The following NET1 variants were observed in gnomAD, a reference collection of about 807,000 sequenced individuals.
NET1 encodes neuroepithelial cell transforming 1, also known as neuroepithelial cell-transforming gene 1 protein.
NET1 carries 42 observed loss-of-function variants against 61.1 expected under a neutral mutation model. The ratio of observed to expected loss-of-function variants is 0.69; its 90% CI spans 0.54 to 0.89. The LOEUF is 0.89. Ranked by LOEUF, NET1 falls within the 40% of genes least tolerant of loss-of-function variation. The pLI, the probability that NET1 is intolerant of heterozygous loss-of-function variation, is 0.00. For synonymous variants in NET1, 254 were observed against 281.8 expected (o/e 0.90, Z 0.99); for missense variants, 654 against 747.3 (o/e 0.88, Z 1.46).
intron 3 of NET1, among the ~76,000 whole-genome samples, chr10:5,448,714 G>T (rs981665146): frequency 9.1e-6 from 1 of 110,462 alleles, no homozygotes; most frequent in South Asian, 2.7e-4. Flanking sequence ...TCCAGTATTC[G>T]TATCTGTTCT....
rs1201413225 is a variant in NET1 at position 5,426,454 on chromosome 10, CTGAGAA to C, written c.129-197_129-192del. Reference sequence around the variant, plus strand: ...TATAGGCCTTTTCACTCTAAAGATGCTGAGAATGACCAAAACCTATACCCTGTTTGT... The same window carrying C: ...TATAGGCCTTTTCACTCTAAAGATGCTGACCAAAACCTATACCCTGTTTGT... On this transcript the variant is annotated intron_variant, in intron 1 of 11. Transcript: ENST00000355029. This position sits in a 1 kb window ranked among gnomAD's most constrained non-coding sequence, Gnocchi z 4.6. 1.3e-5 allele frequency among the ~76,000 whole-genome samples: 2 copies of C among 152,002 alleles called. No homozygotes were observed. The highest frequency in any genetic ancestry group is 4.8e-5 in the African/African-American group (2 of 41,380).
chr10:5,417,429 C>T lies in NET1; in HGVS notation c.128+4609C>T, dbSNP rs1468522946. ...TAGCAAGGGACCACGCTCTCCTCTA[C>T]GCAGCACTTCCCTGCCCCGCTTTGT... On this transcript the variant is annotated intron_variant, in intron 1 of 11. Transcript: ENST00000355029. This position sits in a 1 kb window ranked among gnomAD's most constrained non-coding sequence, Gnocchi z 5.5. 3.3e-5 allele frequency among the ~76,000 whole-genome samples: 5 copies of T among 152,160 alleles called. No homozygotes were observed. The highest frequency in any genetic ancestry group is 7.2e-5 in the African/African-American group (3 of 41,434).
Position 5,412,590 on chromosome 10 carries a change from C to G in NET1, c.-103C>G, listed in dbSNP as rs1832011457. The G allele has an allele frequency of 1.6e-6, 2 of 1,286,784 alleles. No individual in the cohort carries two copies. The highest frequency in any genetic ancestry group is 2.0e-6 in the Non-Finnish European group (2 of 984,180). The allele number at this position is 1,286,784 out of a possible 1,614,324, so 79.7% of individuals were successfully genotyped here. A position where few individuals can be genotyped will look rare whatever the true frequency, so the allele number is the denominator to read the frequency against. On this transcript the variant is annotated 5_prime_UTR_variant, in exon 1 of 12. Coordinates refer to ENST00000355029, the MANE Select transcript of NET1 (RefSeq NM_001047160.3). The surrounding 1 kb of genome is among the most constrained non-coding windows in gnomAD (Gnocchi z 6.5). Reference sequence around the variant, plus strand: ...GGATGACGGCGGTGGCGGCTGCAGTCCGCTGACAGGCGCTTTCTGCCTGGC... The same window carrying G: ...GGATGACGGCGGTGGCGGCTGCAGTGCGCTGACAGGCGCTTTCTGCCTGGC...
intron 3 of NET1, among the ~76,000 whole-genome samples, chr10:5,436,051 T>TGATTATAACACAAACTA (rs1832423406): frequency 1.3e-5 from 2 of 151,030 alleles, no homozygotes; most frequent in African/African-American, 4.9e-5. Context: ...TGATAGTTAG[T>TGATTATAACACAAACTA]GATTATAACA....
chr10:5,445,591 T>C (rs1376906676), intron 3 of NET1, among the ~76,000 whole-genome samples: 1 of 152,238 alleles, frequency 6.6e-6, no homozygotes. Flanking sequence ...GTTTATAGTG[T>C]AAAATTTTAC....
rs1832816236 is a variant in NET1, at chr10:5,457,087, T to C, written c.*93T>C. On this transcript the variant is annotated 3_prime_UTR_variant, in exon 12 of 12. Transcript: ENST00000355029. The surrounding 1 kb of genome is among the most constrained non-coding windows in gnomAD (Gnocchi z 5.4). ...CGTAAGGGGAGCATCATAGGGTTAC[T>C]TTATACCAGTTGTAACATTTTCATT... 1 of 1,223,392 alleles carries C rather than the reference T, an allele frequency of 8.2e-7. No homozygotes were observed. Among genetic ancestry groups the C allele is most frequent in the Non-Finnish European group, 1.1e-6 (1 of 909,636 alleles). The allele number at this position is 1,223,392 out of a possible 1,614,324, so 75.8% of individuals were successfully genotyped here. A position where few individuals can be genotyped will look rare whatever the true frequency, so the allele number is the denominator to read the frequency against.
rs1588425002 is a variant in NET1, at chr10:5,423,593, A to T, written c.129-3062A>T. ...CCTTAAATGTTGTAATTATTTGGAT[A>T]TATAGAAAAATACATTGGATATATG... On this transcript the variant is annotated intron_variant, in intron 1 of 11. Coordinates refer to ENST00000355029, the MANE Select transcript of NET1 (RefSeq NM_001047160.3). The surrounding 1 kb of genome is among the most constrained non-coding windows in gnomAD (Gnocchi z 4.4). Among the ~76,000 whole-genome samples the T allele has an allele frequency of 6.6e-6, 1 of 152,216 alleles. No homozygotes were observed. Among genetic ancestry groups the T allele is most frequent in the East Asian group, 1.9e-4 (1 of 5,206 alleles).
In NET1 at chr10:5,431,037, AATTT is replaced by A. The variant is rs1832342237; in HGVS notation, c.255+1809_255+1812del. On this transcript the variant is annotated intron_variant, in intron 3 of 11. Transcript: ENST00000355029. This position sits in a 1 kb window ranked among gnomAD's most constrained non-coding sequence, Gnocchi z 4.9. The stretch of plus-strand genomic sequence containing the variant: ...CAGGTGCCCGCCACCACGCCCGGCT[AATTT>A]TTTGTATTTTCAGTAGAGACGGGGT... Among the ~76,000 whole-genome samples, 2 of 151,020 alleles carry A rather than the reference AATTT, an allele frequency of 1.3e-5. No homozygotes were observed. Among genetic ancestry groups the A allele is most frequent in the African/African-American group, 4.9e-5 (2 of 41,086 alleles).
In NET1 at chr10:5,417,789, G is replaced by A. The variant is rs1190287919; in HGVS notation, c.128+4969G>A. Among the ~76,000 whole-genome samples the A allele has an allele frequency of 6.6e-6, 1 of 152,166 alleles. No homozygotes were observed. Among genetic ancestry groups the A allele is most frequent in the Non-Finnish European group, 1.5e-5 (1 of 68,016 alleles). On this transcript the variant is annotated intron_variant, in intron 1 of 11. Transcript: ENST00000355029. The surrounding 1 kb of genome is among the most constrained non-coding windows in gnomAD (Gnocchi z 5.5). ...AAAGCATACAATCTTTCACCATTAAGTATGATGTTAGTTGTAAGCTTTGTA... is the reference window on the plus strand; with the variant it reads ...AAAGCATACAATCTTTCACCATTAAATATGATGTTAGTTGTAAGCTTTGTA...
At chr10:5,429,271 T>G (rs1415383442) in intron 3 of NET1, 42 bp downstream of exon 3, 1 of 1,376,586 alleles carries the variant, frequency 7.3e-7, no homozygotes, top group Non-Finnish European at 1.0e-6. Flanking sequence ...TTTAAAAATA[T>G]GCAGATAGCA....
chr10:5,455,667 A>T lies in NET1; in HGVS notation c.1198-420A>T, dbSNP rs1832784378. Among the ~76,000 whole-genome samples the T allele has an allele frequency of 6.6e-6, 1 of 152,166 alleles. No individual in the cohort carries two copies. The highest frequency in any genetic ancestry group is 2.1e-4 in the South Asian group (1 of 4,832). ...TGACATCTTTGATTTTTCCCTCACG[A>T]GGGGAAAATTTATAAAGGTATAAAT... On this transcript the variant is annotated intron_variant, in intron 10 of 11. Coordinates refer to ENST00000355029, the MANE Select transcript of NET1 (RefSeq NM_001047160.3). The surrounding 1 kb of genome is among the most constrained non-coding windows in gnomAD (Gnocchi z 6.5).
intron 3 of NET1, among the ~76,000 whole-genome samples, chr10:5,450,545 T>C (rs1406578418): frequency 6.6e-6 from 1 of 152,116 alleles, no homozygotes; most frequent in African/African-American, 2.4e-5. Flanking sequence ...ACTTTAGTCA[T>C]GTCAAAGAAT....
rs150553760 is a variant in NET1 at position 5,432,714 on chromosome 10, C to CT, written c.255+3497dup. 9.3e-3 allele frequency among the ~76,000 whole-genome samples: 1,357 copies of CT among 146,190 alleles called. 19 individuals carry two copies. Among genetic ancestry groups the CT allele is most frequent in the African/African-American group, 0.031 (1,228 of 39,820 alleles). On this transcript the variant is annotated intron_variant, in intron 3 of 11. Transcript: ENST00000355029. ...CCCTACTCACTCTTTCAGATGAAAT[C>CT]TTTTTTTTTTTTAATTTTATGGTTT...
Position 5,412,572 on chromosome 10 carries a change from G to T in NET1, c.-121G>T. ...CGCCATTTTCAAATCCCCGGATGAC[G>T]GCGGTGGCGGCTGCAGTCCGCTGAC... is the stretch of plus-strand genomic sequence containing the variant. On this transcript the variant is annotated 5_prime_UTR_variant, in exon 1 of 12. Coordinates refer to ENST00000355029, the MANE Select transcript of NET1 (RefSeq NM_001047160.3). The surrounding 1 kb of genome is among the most constrained non-coding windows in gnomAD (Gnocchi z 6.5). 9.4e-7 allele frequency: 1 copy of T among 1,062,546 alleles called. No individual in the cohort carries two copies. Among genetic ancestry groups the T allele is most frequent in the Non-Finnish European group, 1.3e-6 (1 of 784,384 alleles). The allele number at this position is 1,062,546 out of a possible 1,614,324, so 65.8% of individuals were successfully genotyped here.
rs1188928920 is a variant in NET1, at chr10:5,416,041, C to G, written c.128+3221C>G. On this transcript the variant is annotated intron_variant, in intron 1 of 11. Transcript: ENST00000355029. This position sits in a 1 kb window ranked among gnomAD's most constrained non-coding sequence, Gnocchi z 6.1. ...ATCATTTTAGCTTTTATATTTGGGT[C>G]TTTAATCCATTTTGAGTTAGTTTTT... Among the ~76,000 whole-genome samples, 1 of 152,090 alleles carries G rather than the reference C, an allele frequency of 6.6e-6. No homozygotes were observed. The highest frequency in any genetic ancestry group is 6.5e-5 in the Admixed American group (1 of 15,274).
At position 5,446,720 on chromosome 10, in the gene NET1, C is replaced by A; in HGVS notation, c.256-5110C>A. On this transcript the variant is annotated intron_variant, in intron 3 of 11. Transcript: ENST00000355029. The surrounding 1 kb of genome is among the most constrained non-coding windows in gnomAD (Gnocchi z 5.0). ...CTGCATAGCGTCGCTACAGCGCTGACTCGGTGTGGATTGATTGGAAAGGTT... is the reference window on the plus strand; with the variant it reads ...CTGCATAGCGTCGCTACAGCGCTGAATCGGTGTGGATTGATTGGAAAGGTT... The A allele has an allele frequency of 6.5e-7, 1 of 1,538,586 alleles. No individual in the cohort carries two copies. The highest frequency in any genetic ancestry group is 1.3e-5 in the South Asian group (1 of 79,304).
Position 5,454,519 on chromosome 10 carries a change from T to G in NET1, c.1023T>G (p.Asp341Glu). The change falls in exon 9 of 12, where the codon GAT (aspartate) becomes GAG (glutamate). Residue 341 changes from aspartate (D) to glutamate (E), a missense_variant. Coordinates refer to ENST00000355029, the MANE Select transcript of NET1 (RefSeq NM_001047160.3). The surrounding 1 kb of genome is among the most constrained non-coding windows in gnomAD (Gnocchi z 8.1). ...ACCCTGATGTTCAGCTTCTGGAGGA[T>G]GCTGTAAGTAGTCCCTTAAGTGATT... ...KEHPDVQLLE[D>E]AILIIQGVLS... The G allele has an allele frequency of 6.2e-7, 1 of 1,612,704 alleles. No homozygotes were observed. Among genetic ancestry groups the G allele is most frequent in the Non-Finnish European group, 8.5e-7 (1 of 1,179,622 alleles).
Position 5,417,541 on chromosome 10 carries a change from T to G in NET1, c.128+4721T>G, listed in dbSNP as rs538199227. The stretch of plus-strand genomic sequence containing the variant: ...ATATCGATCTTGGATCCTGCTACCT[T>G]GCTGAGCTCATTAGTTCTAATAGTT... On this transcript the variant is annotated intron_variant, in intron 1 of 11. Coordinates refer to ENST00000355029, the MANE Select transcript of NET1 (RefSeq NM_001047160.3). The surrounding 1 kb of genome is among the most constrained non-coding windows in gnomAD (Gnocchi z 5.5). Among the ~76,000 whole-genome samples, 2 of 152,348 alleles carry G rather than the reference T, an allele frequency of 1.3e-5. No homozygotes were observed. The highest frequency in any genetic ancestry group is 2.1e-4 in the South Asian group (1 of 4,824).
chr10:5,436,248 A>ATTTTTTT (rs1190534260), intron 3 of NET1, among the ~76,000 whole-genome samples: 2 of 18,420 alleles, frequency 1.1e-4, no homozygotes, highest in African/African-American at 2.2e-4. Flanking sequence ...ATATATATAT[A>ATTTTTTT]TTTTTTTTTT....
Sources: gnomAD v4.1 joint callset for allele counts (sites outside exome capture counted in the v4.1 genomes callset) on GRCh38, gnomAD v4.1.1 for gene constraint, Gnocchi (gnomAD v3.1) non-coding constraint, MANE v1.5 for transcripts, NCBI Gene and HGNC (gene_info 2026-07-23, HGNC 2026-07-21) for gene names.